FAM135A: variants seen among roughly 807,000 people sequenced by gnomAD.
FAM135A encodes protein FAM135A.
FAM135A carries 79 observed loss-of-function variants against 146.8 expected under a neutral mutation model. That is an observed-to-expected ratio of 0.54 (90% CI 0.45 to 0.65). The LOEUF (loss-of-function observed/expected upper bound fraction) is 0.65. Among genes scored for constraint, FAM135A ranks in the 30% least tolerant of loss-of-function variants. FAM135A has a pLI of 0.00. For synonymous variants in FAM135A, 562 were observed against 603.6 expected, an observed-to-expected ratio of 0.93 and a Z score of 1.01; for missense variants, 1,623 against 1,758.2, an observed-to-expected ratio of 0.92 and a Z score of 1.38.
At chr6:70,520,309 T>A (rs1793277661) in intron 12 of FAM135A, among the ~76,000 whole-genome samples, 1 of 152,170 alleles carries the variant, frequency 6.6e-6, no homozygotes, top group African/African-American at 2.4e-5. Context: ...TGCAAGGACG[T>A]AAAAAACATT....
intron 20 of FAM135A, among the ~76,000 whole-genome samples, chr6:70,542,689 C>T (rs1798160000): frequency 6.6e-6 from 1 of 152,158 alleles, no homozygotes; most frequent in Non-Finnish European, 1.5e-5. Flanking sequence ...AATCTTATGT[C>T]TCCAGGACTG....
intron 5 of FAM135A, among the ~76,000 whole-genome samples, chr6:70,464,833 ATTTTTTTT>A (rs67408160): frequency 2.3e-4 from 15 of 64,324 alleles, no homozygotes; most frequent in South Asian, 9.9e-4. Context: ...CGCCTGGCCA[ATTTTTTTT>A]TTTTTTTTTT....
chr6:70,538,873 A>G (rs547298612), intron 20 of FAM135A, among the ~76,000 whole-genome samples: 3 of 147,222 alleles, frequency 2.0e-5, no homozygotes, highest in Non-Finnish European at 4.5e-5. Flanking sequence ...GCTAGCAAGC[A>G]TTTCTGAAAG....
chr6:70,457,081 G>A (rs1778520342), intron 5 of FAM135A, among the ~76,000 whole-genome samples: 1 of 152,186 alleles, frequency 6.6e-6, no homozygotes, highest in Non-Finnish European at 1.5e-5. Flanking sequence ...AACTCAGAGT[G>A]GATGCTGTGT....
intron 20 of FAM135A, among the ~76,000 whole-genome samples, chr6:70,555,433 C>T (rs1320845833): frequency 1.3e-5 from 2 of 151,868 alleles, no homozygotes; most frequent in Admixed American, 6.6e-5. Context: ...GGCTAATTTT[C>T]GTAGAGACAG....
At position 70,491,067 on chromosome 6, in the gene FAM135A, T is replaced by C. The variant is rs755339441; in HGVS notation, c.857T>C (p.Leu286Pro). 6.2e-7 allele frequency: 1 copy of C among 1,603,146 alleles called. No individual in the cohort carries two copies. The highest frequency in any genetic ancestry group is 1.7e-5 in the Admixed American group (1 of 58,692). The change falls in exon 11 of 22, where the codon CTA (leucine) becomes CCA (proline). Residue 286 changes from leucine to proline, a missense_variant. Physicochemically the swap from Leu to Pro is moderately conservative, Grantham distance 98. Around this residue, in one of 7 missense-constraint regions of FAM135A, gnomAD observed 206 missense variants for 194.7 expected, o/e 1.06. Coordinates refer to ENST00000418814, the MANE Select transcript of FAM135A (RefSeq NM_001162529.3). ...GATGTAGAAGCTCGACTTACTGAAC[T>C]ATGTGAAGAAGTTAAGGTACTTGGA... ...EMDVEARLTE[L>P]CEEVKKIENP...
Position 70,537,248 on chromosome 6 carries a change from G to C in FAM135A, c.4117+837G>C, listed in dbSNP as rs193052546. ...TGCGCCTGGCCTTGATTTGCCTTTT[G>C]TTTGGCTTGGTTTTTCCCTTAGATG... On this transcript the variant is annotated intron_variant, in intron 19 of 21. Coordinates refer to ENST00000418814, the MANE Select transcript of FAM135A (RefSeq NM_001162529.3). 1.9e-3 allele frequency among the ~76,000 whole-genome samples: 293 copies of C among 152,084 alleles called. 3 individuals are homozygous for C. The highest frequency in any genetic ancestry group is 6.7e-3 in the African/African-American group (277 of 41,506).
chr6:70,492,313 A>G (rs747668213), intron 11 of FAM135A, among the ~76,000 whole-genome samples: 14 of 151,856 alleles, frequency 9.2e-5, no homozygotes, highest in Non-Finnish European at 1.9e-4. Context: ...ACGTCATGCC[A>G]TGCTATAGCA....
At chr6:70,428,624 C>T (rs1177506574) in intron 4 of FAM135A, among the ~76,000 whole-genome samples, 1 of 151,946 alleles carries the variant, frequency 6.6e-6, no homozygotes, top group Non-Finnish European at 1.5e-5. Flanking sequence ...ATATACTGAA[C>T]CTGTGTTTAT....
chr6:70,499,300 C>CTGTT lies in FAM135A; in HGVS notation c.874-3318_874-3315dup, dbSNP rs551544699. 1.2e-4 allele frequency among the ~76,000 whole-genome samples: 19 copies of CTGTT among 152,126 alleles called. No homozygotes were observed. The South Asian group carries it at 1.4e-3, about 12-fold the overall frequency. On this transcript the variant is annotated intron_variant, in intron 11 of 21. Coordinates refer to ENST00000418814, the MANE Select transcript of FAM135A (RefSeq NM_001162529.3). ...TATCAGACTAGGATTTCATCCCCTG[C>CTGTT]TGTTTGTTTGTTTGTTTGTTTTCCA...
In FAM135A at chr6:70,526,629, G is replaced by A. The variant is rs764799595; in HGVS notation, c.3545G>A (p.Ser1182Asn). 4 of 1,612,628 alleles carry A rather than the reference G, an allele frequency of 2.5e-6. No homozygotes were observed. The Admixed American group carries it at 6.7e-5, about 27-fold the overall frequency. Residue 1182 changes from serine (S) to asparagine (N), a missense_variant, in exon 15 of 22, where the codon AGC (serine) becomes AAC (asparagine). This residue lies in a region of FAM135A where 1,061 missense variants were observed against 1,113.8 expected (regional missense o/e 0.95). Transcript: ENST00000418814. ...TTTGATGCCATTACAAAGCAGCCAA[G>A]CAGTACTTCTTACAACTTCACTTCT... ...SKFDAITKQP[S>N]STSYNFTSSI...
intron 8 of FAM135A, 110 bp downstream of exon 8, chr6:70,477,442 C>T (rs1390782994): frequency 3.5e-5 from 40 of 1,136,690 alleles, no homozygotes; most frequent in Non-Finnish European, 4.6e-5. Flanking sequence ...CATGGTTCTT[C>T]AGGCTGTACA....
intron 11 of FAM135A, among the ~76,000 whole-genome samples, chr6:70,499,568 C>T (rs1215545710): frequency 6.6e-6 from 1 of 152,152 alleles, no homozygotes; most frequent in Non-Finnish European, 1.5e-5. Flanking sequence ...GCTGTTTCTT[C>T]ATAGTGTCAT....
intron 12 of FAM135A, among the ~76,000 whole-genome samples, chr6:70,508,585 AGCATTGC>A (rs1169166374): frequency 6.6e-6 from 1 of 152,214 alleles, no homozygotes; most frequent in Non-Finnish European, 1.5e-5. Context: ...GCTTTGTGCT[AGCATTGC>A]TGCCCTAACC....
chr6:70,536,326 T>C lies in FAM135A; in HGVS notation c.4032T>C (p.Tyr1344=), dbSNP rs1336114174. 6.2e-7 allele frequency: 1 copy of C among 1,613,518 alleles called. No individual in the cohort carries two copies. Among genetic ancestry groups the C allele is most frequent in the Non-Finnish European group, 8.5e-7 (1 of 1,179,686 alleles). ...RSVLTRPRFK[Y]YLNKLHTFLS... The stretch of plus-strand genomic sequence containing the variant: ...TGCTTACAAGGCCAAGGTTTAAATA[T>C]TACCTCAACAAACTTCATACCTTTC... Residue 1344 remains tyrosine, a synonymous_variant, in exon 19 of 22, where the codon TAT becomes TAC. Coordinates refer to ENST00000418814, the MANE Select transcript of FAM135A (RefSeq NM_001162529.3).
chr6:70,447,020 C>T (rs1285153358), intron 4 of FAM135A, among the ~76,000 whole-genome samples: 1 of 152,210 alleles, frequency 6.6e-6, no homozygotes, highest in Non-Finnish European at 1.5e-5. Flanking sequence ...CTTCACAATG[C>T]AAAATATAAC....
chr6:70,446,149 T>C (rs138993741), intron 4 of FAM135A, among the ~76,000 whole-genome samples: 2,823 of 152,320 alleles, frequency 0.019, 85 homozygotes, highest in African/African-American at 0.062. Context: ...TTCTTTTAAT[T>C]TTGCAATATC....
chr6:70,509,406 G>C (rs184706184), intron 12 of FAM135A, among the ~76,000 whole-genome samples: 1 of 152,238 alleles, frequency 6.6e-6, no homozygotes, highest in African/African-American at 2.4e-5. Context: ...ATAGCAACAG[G>C]TTTGTTACTA....
chr6:70,456,800 G>A (rs1344315561), intron 5 of FAM135A, among the ~76,000 whole-genome samples: 1 of 152,116 alleles, frequency 6.6e-6, no homozygotes, highest in Non-Finnish European at 1.5e-5. Flanking sequence ...ATAAGGAAGG[G>A]CATCAAAAAT....
Sources: gnomAD v4.1 joint callset for allele counts (sites outside exome capture counted in the v4.1 genomes callset) on GRCh38, gnomAD v4.1.1 for gene constraint, gnomAD v4.1.1 regional missense constraint, MANE v1.5 for transcripts, NCBI Gene and HGNC (gene_info 2026-07-23, HGNC 2026-07-21) for gene names.